Variants in FAM200B observed in about 807,000 individuals in gnomAD.
The protein encoded by FAM200B is protein FAM200B.
Under a neutral mutation model 33.1 loss-of-function variants are expected in FAM200B, and 32 were observed. That is an observed-to-expected ratio of 0.97 (90% CI 0.73 to 1.30). The LOEUF (loss-of-function observed/expected upper bound fraction) is 1.30, where lower values mean the gene tolerates loss of function less well. Among genes scored for constraint, FAM200B ranks in the 50% most tolerant of loss-of-function variants. The probability of loss-of-function intolerance (pLI) is 0.00; values close to 1 mark genes in which losing one functional copy is unlikely to be tolerated. For synonymous variants in FAM200B, 240 were observed against 264.8 expected (o/e 0.91, Z 0.91); for missense variants, 741 against 754.0 (o/e 0.98, Z 0.20).
chr4:15,641,466 T>C, the FAM200B span: 1 of 346,222 alleles, frequency 2.9e-6, no homozygotes, highest in Non-Finnish European at 5.6e-6. Context: ...TAATAAATAG[T>C]GAATAGATTT....
the FAM200B span, among the ~76,000 whole-genome samples, chr4:15,656,499 G>C: frequency 1.9e-3 from 296 of 152,316 alleles, 1 homozygote; most frequent in African/African-American, 7.0e-3. Context: ...AGACAACATG[G>C]GGATCAGTAA....
upstream of FAM200B, among the ~76,000 whole-genome samples, chr4:15,678,155 T>G (rs1464328585): frequency 2.6e-5 from 4 of 152,196 alleles, no homozygotes; most frequent in Non-Finnish European, 5.9e-5. Flanking sequence ...ACTATGAAGT[T>G]GCACATACTT....
At chr4:15,640,386 C>T in the FAM200B span, among the ~76,000 whole-genome samples, 1 of 97,230 alleles carries the variant, frequency 1.0e-5, no homozygotes, top group African/African-American at 4.0e-5. Flanking sequence ...TACTAAACTA[C>T]ACTACTGAAA....
In FAM200B at chr4:15,690,400, T is replaced by C. The variant is rs1719277406; in HGVS notation, c.*1449T>C. ...GATTTTCTGTTCTATTGAAGGTAAT[T>C]GATTTTTTCTTTTTTTTTAATGCTT... is the stretch of plus-strand genomic sequence containing the variant. On this transcript the variant is annotated 3_prime_UTR_variant, in exon 2 of 2. Transcript: ENST00000422728. 6.0e-6 allele frequency: 1 copy of C among 166,556 alleles called. No homozygotes were observed. Among genetic ancestry groups the C allele is most frequent in the Admixed American group, 6.5e-5 (1 of 15,276 alleles). 10.3% of individuals were successfully genotyped at this position (166,556 alleles called of 1,614,324 possible).
chr4:15,655,378 C>A, the FAM200B span: 1 of 1,080,270 alleles, frequency 9.3e-7, no homozygotes, highest in African/African-American at 1.8e-5. Flanking sequence ...CGCCCCCTTG[C>A]GCATGCGCCC....
chr4:15,666,759 G>A, the FAM200B span, among the ~76,000 whole-genome samples: 1 of 151,844 alleles, frequency 6.6e-6, no homozygotes, highest in Admixed American at 6.6e-5. Context: ...AGGTCAAGGT[G>A]ACAGTGAGCT....
the FAM200B span, chr4:15,644,535 G>A: frequency 2.7e-5 from 43 of 1,613,902 alleles, no homozygotes; most frequent in East Asian, 2.0e-4. Context: ...TAAGCATCTC[G>A]GAGAGTTTAT....
At chr4:15,638,867 A>G in the FAM200B span, among the ~76,000 whole-genome samples, 1 of 152,244 alleles carries the variant, frequency 6.6e-6, no homozygotes, top group Non-Finnish European at 1.5e-5. Context: ...AGAGAAGAGT[A>G]CACCAAGAAG....
chr4:15,648,877 C>T, the FAM200B span, among the ~76,000 whole-genome samples: 1 of 152,108 alleles, frequency 6.6e-6, no homozygotes, highest in African/African-American at 2.4e-5. Flanking sequence ...CACTCCCACA[C>T]AAAGGGTAAT....
the FAM200B span, among the ~76,000 whole-genome samples, chr4:15,662,100 C>A: frequency 6.6e-6 from 1 of 150,980 alleles, no homozygotes; most frequent in Non-Finnish European, 1.5e-5. Context: ...ATCACTCATG[C>A]CTATGCTACT....
At chr4:15,683,449 T>C (rs578019148) in intron 1 of FAM200B, among the ~76,000 whole-genome samples, 1 of 152,234 alleles carries the variant, frequency 6.6e-6, no homozygotes, top group Admixed American at 6.5e-5. Flanking sequence ...CAATAGTAAC[T>C]GAACTAGTGT....
rs941782477 is a variant in FAM200B at position 15,689,414 on chromosome 4, T to A, written c.*463T>A. 6.0e-6 allele frequency: 1 copy of A among 167,232 alleles called. No homozygotes were observed. The highest frequency in any genetic ancestry group is 2.4e-5 in the African/African-American group (1 of 41,454). The allele number at this position is 167,232 out of a possible 1,614,324, so 10.4% of individuals were successfully genotyped here. A position where few individuals can be genotyped will look rare whatever the true frequency, so the allele number is the denominator to read the frequency against. On this transcript the variant is annotated 3_prime_UTR_variant, in exon 2 of 2. Transcript: ENST00000422728. The stretch of plus-strand genomic sequence containing the variant: ...GTTTAAGCGAAGGAGAGAAATGATC[T>A]GAGCTAGGTTTTAAAAGACACTCTG...
rs1421300504 is a variant in FAM200B, at chr4:15,686,984, C to T, written c.7C>T (p.His3Tyr). The stretch of plus-strand genomic sequence containing the variant: ...GGAACAAATTGCTATTAAAATGGAT[C>T]ATTTCTTTATTAAAAGAAAGAGGAA... MDHFFIKRKRNSE... is the reference protein window; with the variant it reads MDYFFIKRKRNSE... The change falls in exon 2 of 2, where the codon CAT becomes TAT. Residue 3 changes from histidine (H) to tyrosine (Y), a missense_variant. By Grantham distance (83) the His-to-Tyr change is moderately conservative. Transcript: ENST00000422728. 7.3e-7 allele frequency: 1 copy of T among 1,366,578 alleles called. No individual in the cohort carries two copies. Among genetic ancestry groups the T allele is most frequent in the Non-Finnish European group, 9.7e-7 (1 of 1,030,080 alleles). 84.7% of individuals were successfully genotyped at this position (1,366,578 alleles called of 1,614,324 possible). A position where few individuals can be genotyped will look rare whatever the true frequency, so the allele number is the denominator to read the frequency against.
At chr4:15,680,421 A>G (rs1475998224), upstream of FAM200B, among the ~76,000 whole-genome samples, 1 of 152,250 alleles carries the variant, frequency 6.6e-6, no homozygotes, top group African/African-American at 2.4e-5. Flanking sequence ...CTGTAATCCC[A>G]GCACTTTGGG....
At chr4:15,657,980 C>T in the FAM200B span, among the ~76,000 whole-genome samples, 1 of 152,212 alleles carries the variant, frequency 6.6e-6, no homozygotes, top group Admixed American at 6.5e-5. Context: ...GCAGTGAAAA[C>T]CCACATTGTA....
At chr4:15,666,050 AT>A in the FAM200B span, among the ~76,000 whole-genome samples, 1 of 151,822 alleles carries the variant, frequency 6.6e-6, no homozygotes, top group African/African-American at 2.4e-5. Context: ...CCATTTCCTC[AT>A]CTTGTTCTTG....
At chr4:15,642,736 T>C in the FAM200B span, among the ~76,000 whole-genome samples, 2 of 152,174 alleles carry the variant, frequency 1.3e-5, no homozygotes, top group East Asian at 1.9e-4. Context: ...AAATTTGCTT[T>C]TTCATACTGG....
Position 15,687,557 on chromosome 4 carries a change from ATACC to A in FAM200B, c.583_586del (p.Pro195MetfsTer16). The stretch of plus-strand genomic sequence containing the variant: ...TAAATCAGCTGATAAATTAAAAACT[ATACC>A]TAATGATAACACAGTATCTCTTCGA... On this transcript the variant is annotated frameshift_variant, in exon 2 of 2. Coordinates refer to ENST00000422728, the MANE Select transcript of FAM200B (RefSeq NM_001145191.2). LOFTEE classifies it high-confidence loss of function. The A allele has an allele frequency of 1.3e-6, 2 of 1,550,024 alleles. No homozygotes were observed. Among genetic ancestry groups the A allele is most frequent in the Non-Finnish European group, 1.7e-6 (2 of 1,145,918 alleles).
the FAM200B span, chr4:15,638,552 C>T: frequency 5.0e-6 from 8 of 1,601,410 alleles, no homozygotes; most frequent in African/African-American, 1.3e-5. Context: ...AAACTTCTGT[C>T]GCTCTTCAGC....
Sources: gnomAD v4.1 joint callset for allele counts (sites outside exome capture counted in the v4.1 genomes callset) on GRCh38, gnomAD v4.1.1 for gene constraint, MANE v1.5 for transcripts, NCBI Gene and HGNC (gene_info 2026-07-23, HGNC 2026-07-21) for gene names.